The following FAM184B variants were observed in gnomAD, a reference collection of about 807,000 sequenced individuals.
The protein encoded by FAM184B is protein FAM184B.
Under a neutral mutation model 135.9 loss-of-function variants are expected in FAM184B, and 111 were observed. That is an observed-to-expected ratio of 0.82 (90% CI 0.70 to 0.96). The LOEUF (loss-of-function observed/expected upper bound fraction) is 0.96. Ranked by LOEUF, FAM184B falls within the 40% of genes least tolerant of loss-of-function variation. FAM184B has a pLI of 0.00. For synonymous variants in FAM184B, 552 were observed against 524.8 expected (o/e 1.05, Z -0.71); for missense variants, 1,375 against 1,323.9 (o/e 1.04, Z -0.60).
chr4:17,653,097 T>C (rs1715672633), intron 10 of FAM184B, 114 bp from the exon 11 acceptor site: 5 of 1,015,184 alleles, frequency 4.9e-6, no homozygotes, highest in Non-Finnish European at 7.4e-6. Context: ...CACTCTCCCA[T>C]GGAGGGCTTA....
At position 17,629,344 on chromosome 4, in the gene FAM184B, C is replaced by G. The variant is rs1450247318; in HGVS notation, c.*3188G>C. 1 of 152,108 alleles carries G rather than the reference C, an allele frequency of 6.6e-6. No homozygotes were observed. The highest frequency in any genetic ancestry group is 1.5e-5 in the Non-Finnish European group (1 of 68,032). The allele number at this position is 152,108 out of a possible 1,614,324, so 9.4% of individuals were successfully genotyped here. On this transcript the variant is annotated 3_prime_UTR_variant, in exon 18 of 18. Coordinates refer to ENST00000265018, the MANE Select transcript of FAM184B (RefSeq NM_015688.2). ...AGTAAGATGGTCCCTATCATAGTTC[C>G]ATTTAATTTGCCAGCCTCATCTGCA...
chr4:17,672,464 T>C (rs544157480), intron 7 of FAM184B, among the ~76,000 whole-genome samples: 1 of 152,308 alleles, frequency 6.6e-6, no homozygotes, highest in South Asian at 2.1e-4. Flanking sequence ...GGGAATACTT[T>C]CAACTTTTTC....
chr4:17,638,648 A>G (rs1410882345), intron 14 of FAM184B, among the ~76,000 whole-genome samples: 1 of 152,184 alleles, frequency 6.6e-6, no homozygotes, highest in Non-Finnish European at 1.5e-5. Flanking sequence ...TGAATGAATA[A>G]ATGCAATATG....
chr4:17,688,848 C>T (rs998202600), intron 6 of FAM184B, among the ~76,000 whole-genome samples: 5 of 151,972 alleles, frequency 3.3e-5, no homozygotes, highest in Admixed American at 6.6e-5. Context: ...TGCACCACCA[C>T]GCCCAGCTAA....
At chr4:17,714,248 T>C (rs1717358318) in intron 1 of FAM184B, among the ~76,000 whole-genome samples, 1 of 152,188 alleles carries the variant, frequency 6.6e-6, no homozygotes, top group Non-Finnish European at 1.5e-5. Context: ...ATTTCCTAGC[T>C]CCTTTCATTT....
intron 2 of FAM184B, 72 bp downstream of exon 2, chr4:17,708,820 C>T (rs1717179671): frequency 5.6e-6 from 8 of 1,438,770 alleles, no homozygotes. Context: ...AGTGCCTGAT[C>T]TATAGCAGGT....
chr4:17,731,795 G>A (rs193230564), intron 1 of FAM184B, among the ~76,000 whole-genome samples: 4 of 152,160 alleles, frequency 2.6e-5, no homozygotes, highest in Admixed American at 2.6e-4. Context: ...AAGTTAAAAA[G>A]GATACCCAGG....
intron 1 of FAM184B, among the ~76,000 whole-genome samples, chr4:17,721,158 C>T (rs1207945842): frequency 5.9e-5 from 9 of 151,378 alleles, no homozygotes; most frequent in Non-Finnish European, 7.4e-5. Flanking sequence ...GCCGAGAAGG[C>T]GGATCATGAG....
At chr4:17,771,154 A>G (rs1718811483) in intron 1 of FAM184B, among the ~76,000 whole-genome samples, 1 of 152,170 alleles carries the variant, frequency 6.6e-6, no homozygotes, top group African/African-American at 2.4e-5. Flanking sequence ...GTGTCCAAGC[A>G]TTTGAGGAAC....
At position 17,660,050 on chromosome 4, in the gene FAM184B, G is replaced by A. The variant is rs1376808364; in HGVS notation, c.1732C>T (p.Pro578Ser). Residue 578 changes from proline to serine, a missense_variant, in exon 9 of 18, where the codon CCT becomes TCT. Pro to Ser is a moderately conservative substitution (Grantham distance 74). Coordinates refer to ENST00000265018, the MANE Select transcript of FAM184B (RefSeq NM_015688.2). Reference sequence around the variant, plus strand: ...TCCTTCAACAAAGAGCCCAGTGGAGGTTGTGGGTCACTTCCCTCCTTGAGA... The same window carrying A: ...TCCTTCAACAAAGAGCCCAGTGGAGATTGTGGGTCACTTCCCTCCTTGAGA... ...VLLKEGSDPQ[P>S]PLGSLLKEKT... 7 of 1,551,496 alleles carry A rather than the reference G, an allele frequency of 4.5e-6. No individual in the cohort carries two copies.
intron 15 of FAM184B, among the ~76,000 whole-genome samples, chr4:17,635,719 T>G (rs1264215435): frequency 6.8e-6 from 1 of 148,016 alleles, no homozygotes; most frequent in Non-Finnish European, 1.5e-5. Context: ...ACGTAGCAAA[T>G]GAGCAATAAT....
chr4:17,743,656 C>T (rs2108984559), intron 1 of FAM184B, among the ~76,000 whole-genome samples: 1 of 152,320 alleles, frequency 6.6e-6, no homozygotes, highest in Non-Finnish European at 1.5e-5. Flanking sequence ...ACAACAGATA[C>T]TCCTGTAAGC....
At chr4:17,711,177 ACT>A (rs1470422897) in intron 1 of FAM184B, among the ~76,000 whole-genome samples, 2 of 149,826 alleles carry the variant, frequency 1.3e-5, no homozygotes, top group East Asian at 2.0e-4. Flanking sequence ...GTGTAGGGAG[ACT>A]CTGTCTCTAC....
intron 7 of FAM184B, among the ~76,000 whole-genome samples, chr4:17,677,298 T>A (rs187773790): frequency 1.3e-4 from 20 of 152,286 alleles, no homozygotes; most frequent in Non-Finnish European, 2.1e-4. Context: ...TCTGCCCACA[T>A]TGACCTCCCA....
At chr4:17,682,045 A>G (rs1299613459) in intron 7 of FAM184B, among the ~76,000 whole-genome samples, 2 of 152,162 alleles carry the variant, frequency 1.3e-5, no homozygotes, top group African/African-American at 2.4e-5. Flanking sequence ...ATGCAGCCCT[A>G]TGGCTTGTAT....
intron 1 of FAM184B, among the ~76,000 whole-genome samples, chr4:17,743,505 A>C (rs1718091432): frequency 6.6e-6 from 1 of 152,172 alleles, no homozygotes; most frequent in Non-Finnish European, 1.5e-5. Context: ...CCCAGGCACC[A>C]TCTCTCACCA....
chr4:17,687,117 G>A (rs1269162970), intron 7 of FAM184B, among the ~76,000 whole-genome samples: 4 of 152,214 alleles, frequency 2.6e-5, no homozygotes, highest in Admixed American at 6.5e-5. Context: ...CATGGGGGCT[G>A]TTGGCAGGAC....
chr4:17,767,223 C>T (rs1429959719), intron 1 of FAM184B, among the ~76,000 whole-genome samples: 1 of 152,182 alleles, frequency 6.6e-6, no homozygotes, highest in African/African-American at 2.4e-5. Flanking sequence ...GGAGCCGGCT[C>T]CAGCCTGGGC....
At position 17,781,024 on chromosome 4, in the gene FAM184B, TCCC is replaced by T. The variant is rs1719021661; in HGVS notation, c.141+132_141+134del. On this transcript the variant is annotated intron_variant, in intron 1 of 17. Coordinates refer to ENST00000265018, the MANE Select transcript of FAM184B (RefSeq NM_015688.2). The surrounding 1 kb of genome is among the most constrained non-coding windows in gnomAD (Gnocchi z 6.5). Reference sequence around the variant, plus strand: ...CAAGTCACCCAGATTTAGGACCGCTTCCCTTCCCGGTTGGCCTCCGAGACAAAG... The same window carrying T: ...CAAGTCACCCAGATTTAGGACCGCTTTTCCCGGTTGGCCTCCGAGACAAAG... 2.7e-6 allele frequency: 3 copies of T among 1,132,048 alleles called. No individual in the cohort carries two copies. The African/African-American group carries it at 4.8e-5, about 18-fold the overall frequency. 70.1% of individuals were successfully genotyped at this position (1,132,048 alleles called of 1,614,324 possible).
Sources: gnomAD v4.1 joint callset for allele counts (sites outside exome capture counted in the v4.1 genomes callset) on GRCh38, gnomAD v4.1.1 for gene constraint, Gnocchi (gnomAD v3.1) non-coding constraint, MANE v1.5 for transcripts, NCBI Gene and HGNC (gene_info 2026-07-23, HGNC 2026-07-21) for gene names.